The following DAOA variants were observed in gnomAD, a reference collection of about 807,000 sequenced individuals.
DAOA encodes the protein D-amino acid oxidase regulator.
A neutral mutation model predicts 16.4 loss-of-function variants in DAOA; 15 were observed. The ratio of observed to expected loss-of-function variants is 0.91; its 90% CI spans 0.61 to 1.41. The LOEUF (loss-of-function observed/expected upper bound fraction) is 1.41. Among genes scored for constraint, DAOA ranks in the 40% most tolerant of loss-of-function variants. DAOA has a pLI of 0.00. For missense variants in DAOA, 230 were observed against 176.8 expected, an observed-to-expected ratio of 1.30 and a Z score of -1.71; for synonymous variants, 75 against 59.1, an observed-to-expected ratio of 1.27 and a Z score of -1.23.
rs760502028 is a variant in DAOA, at chr13:105,472,538, C to A, written c.134C>A (p.Ala45Glu). 2 of 1,612,858 alleles carry A rather than the reference C, an allele frequency of 1.2e-6. No individual in the cohort carries two copies. Among genetic ancestry groups the A allele is most frequent in the East Asian group, 4.5e-5 (2 of 44,820 alleles). ...TATATCCACTTAAATACTGTTGCAG[C>A]AAAGGAGACAGAAGAAGGAAGAGAG... The part of the protein sequence containing the change: ...SKSENSLNSI[A>E]KETEEGRETV... The change falls in exon 4 of 6, where the codon GCA becomes GAA. Residue 45 changes from alanine to glutamate, a missense_variant and splice_region_variant. Coordinates refer to ENST00000375936, the MANE Select transcript of DAOA (RefSeq NM_172370.5).
At chr13:105,487,984 A>G (rs1041026375) in intron 4 of DAOA, among the ~76,000 whole-genome samples, 2 of 152,192 alleles carry the variant, frequency 1.3e-5, no homozygotes, top group Admixed American at 6.5e-5. Flanking sequence ...TGCTACTTCA[A>G]TGTGACAGCT....
At chr13:105,475,917 AT>A (rs1170635254) in intron 4 of DAOA, among the ~76,000 whole-genome samples, 1 of 152,134 alleles carries the variant, frequency 6.6e-6, no homozygotes, top group Non-Finnish European at 1.5e-5. Flanking sequence ...ATTCACATTT[AT>A]TTTGTGTGTT....
intron 4 of DAOA, among the ~76,000 whole-genome samples, chr13:105,487,583 G>T (rs1309638236): frequency 1.2e-5 from 1 of 86,324 alleles, no homozygotes; most frequent in Non-Finnish European, 2.3e-5. Flanking sequence ...ACAGGAAAAA[G>T]AAAAAAAGAA....
At chr13:105,478,971 A>C (rs1877526911) in intron 4 of DAOA, among the ~76,000 whole-genome samples, 1 of 152,202 alleles carries the variant, frequency 6.6e-6, no homozygotes, top group Non-Finnish European at 1.5e-5. Context: ...TATCTCATCA[A>C]TTCATTTATT....
Position 105,466,068 on chromosome 13 carries a change from G to T in DAOA, c.-74+8G>T. 1 of 532,390 alleles carries T rather than the reference G, an allele frequency of 1.9e-6. No homozygotes were observed. The highest frequency in any genetic ancestry group is 4.3e-4 in the Middle Eastern group (1 of 2,300). 33.0% of individuals were successfully genotyped at this position (532,390 alleles called of 1,614,324 possible). The stretch of plus-strand genomic sequence containing the variant: ...GAAGCAAGTAATGTGTGTGTGAGTA[G>T]TCATTGGATACATACATAACAGTGA... On this transcript the variant is annotated splice_region_variant and intron_variant, in intron 1 of 5. Coordinates refer to ENST00000375936, the MANE Select transcript of DAOA (RefSeq NM_172370.5).
intron 4 of DAOA, among the ~76,000 whole-genome samples, chr13:105,478,708 A>G (rs1442327236): frequency 6.6e-6 from 1 of 152,184 alleles, no homozygotes; most frequent in African/African-American, 2.4e-5. Flanking sequence ...CTGTATTGCA[A>G]TTAAAAATAA....
chr13:105,478,322 G>C (rs556998410), intron 4 of DAOA, among the ~76,000 whole-genome samples: 15 of 152,324 alleles, frequency 9.8e-5, no homozygotes, highest in African/African-American at 3.6e-4. Flanking sequence ...TTACTGGTCT[G>C]TACAGAAGCT....
At chr13:105,471,025 T>C (rs1375476734) in intron 3 of DAOA, among the ~76,000 whole-genome samples, 2 of 152,122 alleles carry the variant, frequency 1.3e-5, no homozygotes, top group East Asian at 3.9e-4. Context: ...CCTGACCTTG[T>C]GATCCGCCCG....
intron 4 of DAOA, among the ~76,000 whole-genome samples, chr13:105,476,441 A>G (rs1390955226): frequency 6.6e-6 from 1 of 151,896 alleles, no homozygotes; most frequent in Non-Finnish European, 1.5e-5. Context: ...GAGAATAAAA[A>G]CAACAACAAA....
chr13:105,471,034 C>T (rs1053865633), intron 3 of DAOA, among the ~76,000 whole-genome samples: 17 of 152,058 alleles, frequency 1.1e-4, no homozygotes, highest in Admixed American at 3.3e-4. Context: ...GTGATCCGCC[C>T]GCCTCGGCCT....
chr13:105,479,250 GA>G (rs1433489146), intron 4 of DAOA, among the ~76,000 whole-genome samples: 1 of 152,108 alleles, frequency 6.6e-6, no homozygotes, highest in African/African-American at 2.4e-5. Context: ...AAGCAAATAG[GA>G]GAGACCGAAA....
intron 4 of DAOA, among the ~76,000 whole-genome samples, chr13:105,478,467 G>A (rs1480704398): frequency 6.6e-6 from 1 of 152,110 alleles, no homozygotes; most frequent in Non-Finnish European, 1.5e-5. Context: ...GCTTTTCTTA[G>A]GGGCTTATAT....
At chr13:105,466,402 G>T in intron 2 of DAOA, 70 bp downstream of exon 2, 1 of 1,608,812 alleles carries the variant, frequency 6.2e-7, no homozygotes, top group East Asian at 2.2e-5. Context: ...GCAGCACAGA[G>T]CTCCCAGGGT....
chr13:105,483,269 G>A (rs1877876707), intron 4 of DAOA, among the ~76,000 whole-genome samples: 1 of 152,170 alleles, frequency 6.6e-6, no homozygotes, highest in Non-Finnish European at 1.5e-5. Context: ...GGGCATTAGA[G>A]TTGTTTCCAG....
At chr13:105,475,876 C>G (rs2139181489) in intron 4 of DAOA, among the ~76,000 whole-genome samples, 1 of 152,050 alleles carries the variant, frequency 6.6e-6, no homozygotes, top group East Asian at 1.9e-4. Flanking sequence ...CAGAACTTAG[C>G]AGGAAAAATG....
intron 4 of DAOA, chr13:105,475,191 T>A (rs1489009947): frequency 3.1e-5 from 8 of 258,382 alleles, no homozygotes; most frequent in Non-Finnish European, 4.8e-5. Flanking sequence ...ATTTAATATA[T>A]CCACTGTGGC....
chr13:105,478,352 T>C (rs762573101), intron 4 of DAOA, among the ~76,000 whole-genome samples: 2 of 152,228 alleles, frequency 1.3e-5, no homozygotes, highest in African/African-American at 4.8e-5. Flanking sequence ...ACGCATTCAA[T>C]AGTCAATTGG....
rs1876578360 is a variant in DAOA at position 105,467,109 on chromosome 13, T to C, written c.101T>C (p.Leu34Pro). The stretch of plus-strand genomic sequence containing the variant: ...ATAGGTTTTCAAAGGAGCATTCTTC[T>C]GAGCAAATCTGAAAACTCTCTAAAC... Reference protein sequence around the residue: ...YFIGFQRSILLSKSENSLNSI... With the variant: ...YFIGFQRSILPSKSENSLNSI... Residue 34 changes from leucine to proline, a missense_variant, in exon 3 of 6, where the codon CTG becomes CCG. Coordinates refer to ENST00000375936, the MANE Select transcript of DAOA (RefSeq NM_172370.5). 6.2e-7 allele frequency: 1 copy of C among 1,610,746 alleles called. No homozygotes were observed. Among genetic ancestry groups the C allele is most frequent in the Non-Finnish European group, 8.5e-7 (1 of 1,177,898 alleles).
chr13:105,472,778 A>T (rs1877062119), intron 4 of DAOA, 93 bp downstream of exon 4: 11 of 1,155,036 alleles, frequency 9.5e-6, no homozygotes, highest in Non-Finnish European at 1.2e-5. Flanking sequence ...GCTTTTTAAT[A>T]TTAGATTATA....
Sources: gnomAD v4.1 joint callset for allele counts (sites outside exome capture counted in the v4.1 genomes callset) on GRCh38, gnomAD v4.1.1 for gene constraint, MANE v1.5 for transcripts, NCBI Gene and HGNC (gene_info 2026-07-23, HGNC 2026-07-21) for gene names.